Variants in WDR7 observed in about 807,000 individuals in gnomAD.
WDR7 encodes WD repeat domain 7, also known as WD repeat-containing protein 7.
WDR7 carries 46 observed loss-of-function variants against 169.4 expected under a neutral mutation model. The ratio of observed to expected loss-of-function variants is 0.27; its 90% CI spans 0.21 to 0.35. The LOEUF (loss-of-function observed/expected upper bound fraction) is 0.35, where lower values mean the gene tolerates loss of function less well. Among genes scored for constraint, WDR7 ranks in the 10% least tolerant of loss-of-function variants. The pLI, the probability that WDR7 is intolerant of heterozygous loss-of-function variation, is 1.00. For synonymous variants in WDR7, 612 were observed against 666.8 expected (o/e 0.92, Z 1.27); for missense variants, 1,534 against 1,859.3 (o/e 0.83, Z 3.22).
At chr18:56,960,851 A>G (rs2047328802) in intron 25 of WDR7, among the ~76,000 whole-genome samples, 1 of 152,110 alleles carries the variant, frequency 6.6e-6, no homozygotes, top group South Asian at 2.1e-4. Flanking sequence ...GGGAAGCTTC[A>G]TATGTTTTAG....
chr18:56,897,907 T>G (rs772045724), intron 21 of WDR7, among the ~76,000 whole-genome samples: 1 of 151,976 alleles, frequency 6.6e-6, no homozygotes, highest in Admixed American at 6.6e-5. Context: ...ATACCTTGAT[T>G]GGTGTGGAGA....
chr18:56,968,953 A>G (rs1157444717), intron 26 of WDR7, among the ~76,000 whole-genome samples: 1 of 152,240 alleles, frequency 6.6e-6, no homozygotes, highest in African/African-American at 2.4e-5. Context: ...TTTCATCTAT[A>G]CTTTTTCCTG....
intron 7 of WDR7, 108 bp downstream of exon 7, chr18:56,687,082 C>A: frequency 1.9e-6 from 2 of 1,056,408 alleles, no homozygotes; most frequent in Non-Finnish European, 2.6e-6. Flanking sequence ...CTATTTTCAT[C>A]ATTTAGAATT....
chr18:57,008,021 C>A (rs144922586), intron 26 of WDR7, among the ~76,000 whole-genome samples: 3 of 152,236 alleles, frequency 2.0e-5, no homozygotes, highest in African/African-American at 7.2e-5. Flanking sequence ...GCTCCAAATT[C>A]ATTTTCCTCA....
chr18:56,687,520 C>A (rs1321309512), intron 7 of WDR7, among the ~76,000 whole-genome samples: 7 of 152,314 alleles, frequency 4.6e-5, no homozygotes, highest in African/African-American at 1.7e-4. Flanking sequence ...ATCCTTACAA[C>A]TCTCTGAGGT....
intron 18 of WDR7, 47 bp downstream of exon 18, chr18:56,779,596 A>G: frequency 1.4e-6 from 2 of 1,440,920 alleles, no homozygotes; most frequent in African/African-American, 1.4e-5. Flanking sequence ...TTAAAAAGGC[A>G]TTGGTCAAAT....
rs554749994 is a variant in WDR7, at chr18:56,698,434, G to A, written c.1578+1972G>A. ...ATCCTGGCTGACACGGTGAAACCCC[G>A]TCTCTACTAAAACTACAAAAAATTA... On this transcript the variant is annotated intron_variant, in intron 12 of 27. Coordinates refer to ENST00000254442, the MANE Select transcript of WDR7 (RefSeq NM_015285.3). Among the ~76,000 whole-genome samples, 268 of 151,586 alleles carry A rather than the reference G, an allele frequency of 1.8e-3. 2 individuals carry two copies. The highest frequency in any genetic ancestry group is 2.8e-3 in the Non-Finnish European group (189 of 67,876).
At chr18:56,929,020 C>CACA (rs2046844239) in intron 22 of WDR7, among the ~76,000 whole-genome samples, 1 of 152,112 alleles carries the variant, frequency 6.6e-6, no homozygotes, top group Non-Finnish European at 1.5e-5. Context: ...CATGATGGTT[C>CACA]ACACCTGTAA....
At position 56,814,591 on chromosome 18, in the gene WDR7, T is replaced by G. The variant is rs538624208; in HGVS notation, c.3191-1440T>G. On this transcript the variant is annotated intron_variant, in intron 19 of 27. Coordinates refer to ENST00000254442, the MANE Select transcript of WDR7 (RefSeq NM_015285.3). ...GTGCTTCTGTAAGTTAAACATTGAG[T>G]ACAGATGGACACAAAGAAGGGAACA... Among the ~76,000 whole-genome samples the G allele has an allele frequency of 7.2e-5, 11 of 152,176 alleles. 2 individuals are homozygous for G. The South Asian group carries it at 2.3e-3, about 32-fold the overall frequency.
At chr18:57,013,290 C>T (rs11662195) in intron 26 of WDR7, among the ~76,000 whole-genome samples, 120,492 of 152,154 alleles carry the variant, frequency 0.79, 48,798 homozygotes, top group East Asian at 0.88. Context: ...TCCTGCTGTA[C>T]GGCCTGGTTC....
chr18:56,736,382 A>C (rs770041877), intron 14 of WDR7, among the ~76,000 whole-genome samples: 7 of 152,034 alleles, frequency 4.6e-5, no homozygotes, highest in Admixed American at 2.0e-4. Context: ...ACAAGATAGA[A>C]ATTGAGAGTT....
intron 19 of WDR7, among the ~76,000 whole-genome samples, chr18:56,802,280 C>A (rs1360961349): frequency 6.6e-6 from 1 of 151,452 alleles, no homozygotes; most frequent in East Asian, 1.9e-4. Context: ...CTATTTACAT[C>A]TTTTGTCCAA....
chr18:56,758,844 A>AT (rs768272151), intron 15 of WDR7, 21 bp from the exon 16 acceptor site: 25 of 1,578,808 alleles, frequency 1.6e-5, no homozygotes, highest in Non-Finnish European at 2.1e-5. Flanking sequence ...TATATCTTGT[A>AT]TTTTTTTCTT....
chr18:56,981,632 T>G (rs1369700190), intron 26 of WDR7, among the ~76,000 whole-genome samples: 1 of 152,102 alleles, frequency 6.6e-6, no homozygotes, highest in Non-Finnish European at 1.5e-5. Flanking sequence ...CCATAGATAC[T>G]CAAAGAGGAG....
At chr18:56,740,541 G>A (rs139312857) in intron 14 of WDR7, among the ~76,000 whole-genome samples, 41 of 152,222 alleles carry the variant, frequency 2.7e-4, no homozygotes, top group African/African-American at 8.9e-4. Context: ...CCCTTTCTCT[G>A]CTGTTCAGAT....
rs769432844 is a variant in WDR7, at chr18:56,816,053, G to A, written c.3213G>A (p.Ala1071=). ...VISPGVTSEA[A]QTITTAPDAS... is the part of the protein sequence containing the mutation. ...TAGCTGGAGTCACATCAGAAGCCGCGCAGACTATCACCACGGCTCCTGATG... is the reference window on the plus strand; with the variant it reads ...TAGCTGGAGTCACATCAGAAGCCGCACAGACTATCACCACGGCTCCTGATG... Residue 1071 remains alanine (A), a synonymous_variant, in exon 20 of 28, where the codon GCG becomes GCA. Coordinates refer to ENST00000254442, the MANE Select transcript of WDR7 (RefSeq NM_015285.3). 7.4e-6 allele frequency: 12 copies of A among 1,612,098 alleles called. No homozygotes were observed. The highest frequency in any genetic ancestry group is 1.1e-5 in the South Asian group (1 of 90,666).
At chr18:56,958,008 C>T (rs2047280650) in intron 25 of WDR7, among the ~76,000 whole-genome samples, 1 of 152,128 alleles carries the variant, frequency 6.6e-6, no homozygotes, top group African/African-American at 2.4e-5. Context: ...TTTTAAGTTT[C>T]ACACATTTTC....
intron 20 of WDR7, among the ~76,000 whole-genome samples, chr18:56,845,367 A>T (rs749764125): frequency 4.3e-4 from 66 of 152,112 alleles, no homozygotes; most frequent in Admixed American, 7.2e-4. Context: ...TTAGGAAATA[A>T]TAAGATCTAT....
intron 16 of WDR7, among the ~76,000 whole-genome samples, chr18:56,759,605 G>A (rs1158301115): frequency 6.6e-6 from 1 of 152,112 alleles, no homozygotes; most frequent in Non-Finnish European, 1.5e-5. Flanking sequence ...CAAGAGAGTT[G>A]GGGAGTTATG....
Sources: allele counts gnomAD v4.1 joint callset (sites outside exome capture counted in the v4.1 genomes callset), GRCh38; gene constraint gnomAD v4.1.1; transcripts MANE v1.5; gene names NCBI Gene and HGNC (gene_info 2026-07-23, HGNC 2026-07-21).